CENPC: variants seen among roughly 807,000 people sequenced by gnomAD.
CENPC encodes the protein CENP-C 1.
CENPC carries 63 observed loss-of-function variants against 112.1 expected under a neutral mutation model. The observed-to-expected ratio is 0.56, with a 90% CI of 0.46 to 0.69. CENPC has a LOEUF of 0.69. Among genes scored for constraint, CENPC ranks in the 30% least tolerant of loss-of-function variants. The pLI, the probability that CENPC is intolerant of heterozygous loss-of-function variation, is 0.00. For synonymous variants in CENPC, 333 were observed against 367.6 expected, an observed-to-expected ratio of 0.91 and a Z score of 1.08; for missense variants, 1,000 against 1,103.8, an observed-to-expected ratio of 0.91 and a Z score of 1.33.
In CENPC at chr4:67,492,189, T is replaced by C. The variant is rs1250043934; in HGVS notation, c.2506A>G (p.Ile836Val). The C allele has an allele frequency of 1.9e-6, 3 of 1,556,314 alleles. No homozygotes were observed. Among genetic ancestry groups the C allele is most frequent in the Non-Finnish European group, 2.6e-6 (3 of 1,146,372 alleles). ...RVKDPETREI[I>V]LMDLVRPQDT... ...TCATGCCTGATCTTACCCATGAGAA[T>C]AATCTCTCTTGTTTCTGGGTCCTTT... Residue 836 changes from isoleucine to valine, a missense_variant, in exon 16 of 19, where the codon ATT (isoleucine) becomes GTT (valine). Coordinates refer to ENST00000273853, the MANE Select transcript of CENPC (RefSeq NM_001812.4).
chr4:67,517,472 C>A, intron 7 of CENPC, among the ~76,000 whole-genome samples: 1 of 151,542 alleles, frequency 6.6e-6, no homozygotes, highest in African/African-American at 2.4e-5. Flanking sequence ...ATAAAAACTT[C>A]CTAGTATATT....
In CENPC at chr4:67,472,684, A is replaced by G. The variant is rs757035202; in HGVS notation, c.2762-9T>C. Reference sequence around the variant, plus strand: ...GATGTTATAATAGTTACCTAAAAGTAAAGTGATAAGAAAATAAAAATTATT... The same window carrying G: ...GATGTTATAATAGTTACCTAAAAGTGAAGTGATAAGAAAATAAAAATTATT... On this transcript the variant is annotated splice_polypyrimidine_tract_variant and intron_variant, in intron 18 of 18. Coordinates refer to ENST00000273853, the MANE Select transcript of CENPC (RefSeq NM_001812.4). 4 of 1,497,650 alleles carry G rather than the reference A, an allele frequency of 2.7e-6. No individual in the cohort carries two copies. The highest frequency in any genetic ancestry group is 1.8e-4 in the Middle Eastern group (1 of 5,712). 92.8% of individuals were successfully genotyped at this position (1,497,650 alleles called of 1,614,324 possible).
intron 9 of CENPC, among the ~76,000 whole-genome samples, chr4:67,509,761 G>A (rs1180760967): frequency 6.6e-6 from 1 of 151,780 alleles, no homozygotes; most frequent in African/African-American, 2.4e-5. Context: ...TATTAAAACA[G>A]TCTCTTTACT....
intron 7 of CENPC, among the ~76,000 whole-genome samples, chr4:67,514,908 A>T (rs1284259512): frequency 6.6e-6 from 1 of 151,840 alleles, no homozygotes; most frequent in Non-Finnish European, 1.5e-5. Context: ...TAGAGCTAGA[A>T]ATCTAGACAT....
At position 67,519,339 on chromosome 4, in the gene CENPC, T is replaced by G. The variant is rs758971294; in HGVS notation, c.495A>C (p.Ala165=). ...SVGSPSVLLD[A]KTSVSQNVIP... ...TAACATTTTGTGATACAGATGTTTTTGCATCCAAAAGAACAGAAGGTGAGC... is the reference window on the plus strand; with the variant it reads ...TAACATTTTGTGATACAGATGTTTTGGCATCCAAAAGAACAGAAGGTGAGC... The change falls in exon 6 of 19, where the codon GCA becomes GCC. Residue 165 remains alanine, a synonymous_variant. Coordinates refer to ENST00000273853, the MANE Select transcript of CENPC (RefSeq NM_001812.4). The G allele has an allele frequency of 5.0e-6, 8 of 1,613,036 alleles. No individual in the cohort carries two copies. Among genetic ancestry groups the G allele is most frequent in the Non-Finnish European group, 6.8e-6 (8 of 1,179,458 alleles).
chr4:67,492,347 A>T, intron 15 of CENPC, 72 bp from the exon 16 acceptor site: 1 of 889,212 alleles, frequency 1.1e-6, no homozygotes, highest in Non-Finnish European at 1.7e-6. Flanking sequence ...AGTTCAGTAC[A>T]AAATATAGCT....
intron 17 of CENPC, among the ~76,000 whole-genome samples, chr4:67,477,131 G>A (rs74846389): frequency 0.011 from 1,727 of 152,254 alleles, 12 homozygotes; most frequent in Middle Eastern, 0.051. Flanking sequence ...CCCATCACCT[G>A]AGAAACCTGA....
At chr4:67,524,014 A>C (rs1219507313) in intron 5 of CENPC, among the ~76,000 whole-genome samples, 1 of 152,050 alleles carries the variant, frequency 6.6e-6, no homozygotes, top group East Asian at 1.9e-4. Flanking sequence ...CCATCAAGAA[A>C]AGAACAAAAT....
intron 17 of CENPC, among the ~76,000 whole-genome samples, chr4:67,475,604 T>C (rs533452322): frequency 1.3e-5 from 2 of 152,164 alleles, no homozygotes; most frequent in African/African-American, 4.8e-5. Flanking sequence ...AAGAGTATTG[T>C]TTCTTGTTTT....
intron 4 of CENPC, among the ~76,000 whole-genome samples, chr4:67,531,418 C>A (rs1726544722): frequency 1.3e-5 from 2 of 152,128 alleles, no homozygotes; most frequent in African/African-American, 4.8e-5. Context: ...TTTAAAGGAC[C>A]AGCTTACAGG....
chr4:67,496,876 C>CCCCCCACCCCACCCCCA, intron 12 of CENPC, among the ~76,000 whole-genome samples: 2 of 99,834 alleles, frequency 2.0e-5, no homozygotes, highest in South Asian at 3.9e-4. Context: ...AATCTGTGTA[C>CCCCCCACCCCACCCCCA]CCCCCACCCC....
chr4:67,535,058 T>C (rs1726676468), intron 4 of CENPC, among the ~76,000 whole-genome samples: 1 of 151,934 alleles, frequency 6.6e-6, no homozygotes, highest in African/African-American at 2.4e-5. Context: ...ACAACAGTAT[T>C]CTCAACAGGA....
chr4:67,537,088 A>G (rs1384257737), intron 4 of CENPC, among the ~76,000 whole-genome samples: 2 of 151,924 alleles, frequency 1.3e-5, no homozygotes, highest in Non-Finnish European at 2.9e-5. Context: ...AAAAGGGGAT[A>G]TAACTGTAGA....
chr4:67,539,079 A>T (rs952919217), intron 4 of CENPC, among the ~76,000 whole-genome samples: 11 of 152,230 alleles, frequency 7.2e-5, no homozygotes, highest in Non-Finnish European at 1.5e-5. Context: ...AGATGCAAAC[A>T]TCTTCAATAT....
chr4:67,530,717 G>A (rs1267190052), intron 5 of CENPC, 98 bp downstream of exon 5: 4 of 518,396 alleles, frequency 7.7e-6, no homozygotes, highest in South Asian at 3.2e-5. Flanking sequence ...TGTCTAGGCT[G>A]ACCCTGACCT....
chr4:67,512,517 G>C lies in CENPC; in HGVS notation c.1497C>G (p.Arg499=), dbSNP rs369568452. Residue 499 remains arginine (R), a synonymous_variant, in exon 9 of 19, where the codon CGC becomes CGG. Coordinates refer to ENST00000273853, the MANE Select transcript of CENPC (RefSeq NM_001812.4). ...RKDKEESKKK[R]FSSESKNKLV... is the part of the protein sequence containing the mutation. ...GTTTGTTCTTGGACTCACTGGAAAA[G>C]CGCTTCTTTTTAGATTCTTCCTTAT... 124 of 1,580,120 alleles carry C rather than the reference G, an allele frequency of 7.8e-5. No individual in the cohort carries two copies. In the African/African-American group the frequency reaches 1.3e-3, roughly 17 times the overall value.
intron 5 of CENPC, among the ~76,000 whole-genome samples, chr4:67,529,786 A>T (rs891874009): frequency 3.3e-5 from 5 of 152,182 alleles, no homozygotes; most frequent in Non-Finnish European, 7.3e-5. Flanking sequence ...AAAAGCTCAT[A>T]GAAAGAAAAA....
At chr4:67,478,286 G>GA in intron 17 of CENPC, among the ~76,000 whole-genome samples, 1 of 152,108 alleles carries the variant, frequency 6.6e-6, no homozygotes, top group Non-Finnish European at 1.5e-5. Context: ...AGAATCTTAA[G>GA]AGCTGTGAGG....
At chr4:67,512,702 TAA>T (rs984761001) in intron 8 of CENPC, 133 bp from the exon 9 acceptor site, 5 of 598,550 alleles carry the variant, frequency 8.4e-6, no homozygotes, top group African/African-American at 1.9e-5. Flanking sequence ...TCTCCATTTT[TAA>T]AAGTCACATG....
Sources: allele counts gnomAD v4.1 joint callset (sites outside exome capture counted in the v4.1 genomes callset), GRCh38; gene constraint gnomAD v4.1.1; transcripts MANE v1.5; gene names NCBI Gene and HGNC (gene_info 2026-07-23, HGNC 2026-07-21).